The following CFAP61 variants were observed in gnomAD, a reference collection of about 807,000 sequenced individuals.
CFAP61 encodes cilia and flagella associated protein 61.
In CFAP61, 107 loss-of-function variants were observed where a neutral mutation model predicts 135.6. The ratio of observed to expected loss-of-function variants is 0.79; its 90% confidence interval spans 0.67 to 0.93. The LOEUF (loss-of-function observed/expected upper bound fraction) is 0.93. Among genes scored for constraint, CFAP61 ranks in the 40% least tolerant of loss-of-function variants. The pLI is 0.00. For synonymous variants in CFAP61, 575 were observed against 578.5 expected (o/e 0.99, Z 0.09); for missense variants, 1,507 against 1,556.2 (o/e 0.97, Z 0.53).
At position 20,169,423 on chromosome 20, in the gene CFAP61, C is replaced by G. The variant is rs2054062486; in HGVS notation, c.1348C>G (p.Gln450Glu). The G allele has an allele frequency of 1.2e-6, 2 of 1,613,900 alleles. No individual in the cohort carries two copies. The highest frequency in any genetic ancestry group is 4.5e-5 in the East Asian group (2 of 44,868). ...MVPFNTCTLE[Q>E]DLYVFHRAGL... ...CCCTTTCAACACCTGCACCCTCGAG[C>G]AGGACCTCTACGTCTTCCACCGGGC... The change falls in exon 13 of 27, where the codon CAG becomes GAG. Residue 450 changes from glutamine to glutamate, a missense_variant. Coordinates refer to ENST00000245957, the MANE Select transcript of CFAP61 (RefSeq NM_015585.4).
intron 8 of CFAP61, among the ~76,000 whole-genome samples, chr20:20,118,726 A>G (rs1336712995): frequency 1.3e-5 from 2 of 152,114 alleles, no homozygotes; most frequent in Admixed American, 6.5e-5. Context: ...CTTTTTCAGC[A>G]TCTCTTGAAA....
intron 25 of CFAP61, among the ~76,000 whole-genome samples, chr20:20,314,220 C>CA (rs74180988): frequency 0.42 from 39,899 of 95,304 alleles, 8,266 homozygotes; most frequent in East Asian, 0.7. Context: ...CCCATCTCTA[C>CA]AAAAAAAAAA....
intron 13 of CFAP61, among the ~76,000 whole-genome samples, chr20:20,177,585 C>T (rs2054728560): frequency 6.6e-6 from 1 of 151,684 alleles, no homozygotes; most frequent in Non-Finnish European, 1.5e-5. Context: ...CCAGTAAAAT[C>T]CACAGCACTG....
chr20:20,113,475 C>T (rs1416789248), intron 8 of CFAP61, among the ~76,000 whole-genome samples: 1 of 152,098 alleles, frequency 6.6e-6, no homozygotes, highest in East Asian at 1.9e-4. Context: ...TTCCTAGGCC[C>T]ACACTGTACC....
chr20:20,215,601 A>G (rs1418402905), intron 17 of CFAP61, among the ~76,000 whole-genome samples: 2 of 152,214 alleles, frequency 1.3e-5, no homozygotes, highest in African/African-American at 4.8e-5. Context: ...AAATAGTTTA[A>G]TTGCAATCAT....
intron 8 of CFAP61, among the ~76,000 whole-genome samples, chr20:20,132,827 A>G (rs868067786): frequency 5.9e-5 from 9 of 151,700 alleles, no homozygotes; most frequent in Middle Eastern, 6.8e-3. Flanking sequence ...TTTGATTTTT[A>G]CTTACATGCC....
intron 17 of CFAP61, among the ~76,000 whole-genome samples, chr20:20,211,271 C>T (rs1038298693): frequency 2.0e-5 from 3 of 152,186 alleles, no homozygotes; most frequent in African/African-American, 7.2e-5. Context: ...TGGCCTTGGT[C>T]GAGTGGGCAG....
At chr20:20,073,401 A>G (rs2045856337) in intron 3 of CFAP61, among the ~76,000 whole-genome samples, 2 of 152,194 alleles carry the variant, frequency 1.3e-5, no homozygotes, top group Admixed American at 6.5e-5. Flanking sequence ...GTCACACACC[A>G]TCCGACAGAA....
intron 17 of CFAP61, among the ~76,000 whole-genome samples, chr20:20,217,907 T>C (rs1304719356): frequency 1.3e-5 from 2 of 152,182 alleles, no homozygotes; most frequent in African/African-American, 4.8e-5. Flanking sequence ...TGCAAATCCA[T>C]TCATGTAGAC....
At chr20:20,330,022 C>T (rs1403555589) in intron 25 of CFAP61, among the ~76,000 whole-genome samples, 2 of 152,200 alleles carry the variant, frequency 1.3e-5, no homozygotes, top group Non-Finnish European at 2.9e-5. Flanking sequence ...TGAAATGATG[C>T]TCACAGGAGG....
At chr20:20,186,506 A>G (rs888182964) in intron 13 of CFAP61, among the ~76,000 whole-genome samples, 3 of 152,166 alleles carry the variant, frequency 2.0e-5, no homozygotes, top group Admixed American at 1.3e-4. Context: ...TTGTGTGGAC[A>G]TATGTTTTTA....
rs1555872813 is a variant in CFAP61 at position 20,118,251 on chromosome 20, A to ATCTT, written c.859+19438_859+19439insCTTT. On this transcript the variant is annotated intron_variant, in intron 8 of 26. Coordinates refer to ENST00000245957, the MANE Select transcript of CFAP61 (RefSeq NM_015585.4). Reference sequence around the variant, plus strand: ...TATATGGTCTTCATTATTTTGAGGTATGTTTCTTTCTTTCTTTCTTTCTTT... The same window carrying ATCTT: ...TATATGGTCTTCATTATTTTGAGGTATCTTTGTTTCTTTCTTTCTTTCTTTCTTT... 9.8e-4 allele frequency among the ~76,000 whole-genome samples: 111 copies of ATCTT among 113,734 alleles called. 1 individual carries two copies. The highest frequency in any genetic ancestry group is 6.7e-3 in the South Asian group (21 of 3,134). 74.6% of individuals were successfully genotyped at this position (113,734 alleles called of 152,430 possible). A position where few individuals can be genotyped will look rare whatever the true frequency, so the allele number is the denominator to read the frequency against.
chr20:20,337,570 ATG>A (rs2058269900), intron 25 of CFAP61, among the ~76,000 whole-genome samples: 4 of 2,196 alleles, frequency 1.8e-3, no homozygotes, highest in Non-Finnish European at 6.8e-3. Context: ...GGATGGATGG[ATG>A]GATGGATAGA....
chr20:20,335,322 G>T (rs1255242611), intron 25 of CFAP61, among the ~76,000 whole-genome samples: 1 of 152,190 alleles, frequency 6.6e-6, no homozygotes, highest in Admixed American at 6.5e-5. Context: ...AGTAGATGCT[G>T]TAGAGTCTTC....
intron 8 of CFAP61, among the ~76,000 whole-genome samples, chr20:20,117,365 A>AAAAAAAATAAATAAATAAAT: frequency 6.6e-6 from 1 of 151,452 alleles, no homozygotes; most frequent in South Asian, 2.1e-4. Flanking sequence ...TAATAAGTTA[A>AAAAAAAATAAATAAATAAAT]AAATAAATAA....
At chr20:20,170,275 C>A (rs1047864) in intron 13 of CFAP61, among the ~76,000 whole-genome samples, 36,781 of 152,094 alleles carry the variant, frequency 0.24, 4,554 homozygotes, top group Middle Eastern at 0.34. Context: ...ATTAAGGTGT[C>A]TTATACTATA....
intron 25 of CFAP61, chr20:20,316,899 C>G (rs2057170073): frequency 7.4e-6 from 1 of 135,432 alleles, no homozygotes; most frequent in Non-Finnish European, 1.6e-5. Flanking sequence ...CCAAGGCAGA[C>G]AGAGTCTCAC....
intron 25 of CFAP61, 38 bp downstream of exon 25, chr20:20,298,424 AATAT>A (rs758027222): frequency 6.5e-7 from 1 of 1,529,448 alleles, no homozygotes; most frequent in Non-Finnish European, 9.0e-7. Flanking sequence ...GGGAAATACA[AATAT>A]ATATATAATG....
intron 9 of CFAP61, among the ~76,000 whole-genome samples, chr20:20,143,887 G>A (rs2146755053): frequency 6.6e-6 from 1 of 152,328 alleles, no homozygotes; most frequent in South Asian, 2.1e-4. Context: ...TTAAGGCCAG[G>A]CTGAGAAAAG....
Sources: gnomAD v4.1 joint callset for allele counts (sites outside exome capture counted in the v4.1 genomes callset) on GRCh38, gnomAD v4.1.1 for gene constraint, MANE v1.5 for transcripts, NCBI Gene and HGNC (gene_info 2026-07-23, HGNC 2026-07-21) for gene names.